Variants in CACNG4 observed in about 807,000 individuals in gnomAD.
CACNG4 encodes voltage-dependent calcium channel gamma-4 subunit.
In CACNG4, 8 loss-of-function variants were observed where a neutral mutation model predicts 22.9. The observed-to-expected ratio is 0.35, with a 90% CI of 0.21 to 0.63. CACNG4 has a LOEUF of 0.63. Among genes scored for constraint, CACNG4 ranks in the 30% least tolerant of loss-of-function variants. CACNG4 has a pLI of 0.72. For synonymous variants in CACNG4, 188 were observed against 191.9 expected (o/e 0.98, Z 0.17); for missense variants, 357 against 455.4 (o/e 0.78, Z 1.97).
chr17:67,002,162 T>C (rs975961641), intron 1 of CACNG4, among the ~76,000 whole-genome samples: 4 of 152,204 alleles, frequency 2.6e-5, no homozygotes, highest in South Asian at 2.1e-4. Context: ...CTCATGATCA[T>C]AGCAGAAGGC....
intron 1 of CACNG4, among the ~76,000 whole-genome samples, chr17:66,982,704 G>A (rs2035284414): frequency 6.6e-6 from 1 of 152,114 alleles, no homozygotes; most frequent in Non-Finnish European, 1.5e-5. Flanking sequence ...CTGCAGACGT[G>A]CACCACCATG....
At chr17:67,023,480 C>T (rs2035544347) in intron 2 of CACNG4, among the ~76,000 whole-genome samples, 1 of 151,832 alleles carries the variant, frequency 6.6e-6, no homozygotes, top group South Asian at 2.1e-4. Context: ...TTTCACCATG[C>T]TAGCCAGAAT....
chr17:66,967,745 A>T (rs2035178853), intron 1 of CACNG4, among the ~76,000 whole-genome samples: 1 of 152,092 alleles, frequency 6.6e-6, no homozygotes, highest in Admixed American at 6.5e-5. Context: ...AGCTAATAAG[A>T]CTCCGAGGAT....
chr17:66,998,762 G>A (rs2035389980), intron 1 of CACNG4, among the ~76,000 whole-genome samples: 1 of 152,178 alleles, frequency 6.6e-6, no homozygotes, highest in African/African-American at 2.4e-5. Context: ...GTTTCATTTG[G>A]GAACAATCTG....
At chr17:66,971,544 G>A (rs779306067) in intron 1 of CACNG4, among the ~76,000 whole-genome samples, 1 of 152,210 alleles carries the variant, frequency 6.6e-6, no homozygotes, top group Non-Finnish European at 1.5e-5. Flanking sequence ...GTATGAGGCA[G>A]TTGGCACTTC....
In CACNG4 at chr17:66,989,297, C is replaced by G. The variant is rs562863855; in HGVS notation, c.220+24166C>G. Among the ~76,000 whole-genome samples, 3 of 151,066 alleles carry G rather than the reference C, an allele frequency of 2.0e-5. No homozygotes were observed. The South Asian group carries it at 6.2e-4, about 31-fold the overall frequency. On this transcript the variant is annotated intron_variant, in intron 1 of 3. Transcript: ENST00000262138. Reference sequence around the variant, plus strand: ...TGAGGTCATACTCCATTAGAATAGGCCTTCGTTTAATAGACTGGGTTCTTA... The same window carrying G: ...TGAGGTCATACTCCATTAGAATAGGGCTTCGTTTAATAGACTGGGTTCTTA...
At chr17:67,005,829 G>A (rs2035434344) in intron 1 of CACNG4, among the ~76,000 whole-genome samples, 1 of 152,190 alleles carries the variant, frequency 6.6e-6, no homozygotes, top group Non-Finnish European at 1.5e-5. Context: ...CTGCCCCACT[G>A]CCTGGTTCTA....
chr17:67,019,610 G>T (rs2143358127), intron 2 of CACNG4, among the ~76,000 whole-genome samples: 1 of 152,350 alleles, frequency 6.6e-6, no homozygotes, highest in East Asian at 1.9e-4. Context: ...CCCCAACTCA[G>T]AATCTGCCTT....
At chr17:66,990,902 G>A (rs572426380) in intron 1 of CACNG4, among the ~76,000 whole-genome samples, 5 of 151,860 alleles carry the variant, frequency 3.3e-5, no homozygotes, top group Non-Finnish European at 4.4e-5. Context: ...GGATGGTCTC[G>A]ATCTCCTGAC....
At chr17:67,010,014 A>C (rs2035459926) in intron 1 of CACNG4, among the ~76,000 whole-genome samples, 1 of 149,498 alleles carries the variant, frequency 6.7e-6, no homozygotes, top group African/African-American at 2.5e-5. Context: ...CTCCCCCATC[A>C]CTGCTACCCA....
At chr17:66,981,740 G>A (rs1043952331) in intron 1 of CACNG4, among the ~76,000 whole-genome samples, 2 of 152,090 alleles carry the variant, frequency 1.3e-5, no homozygotes, top group African/African-American at 4.8e-5. Flanking sequence ...CCAGAATTAT[G>A]AATAGTTTAA....
chr17:67,015,482 T>C (rs2035491678), intron 1 of CACNG4, among the ~76,000 whole-genome samples: 1 of 152,218 alleles, frequency 6.6e-6, no homozygotes, highest in Non-Finnish European at 1.5e-5. Context: ...CTGGTTGTGA[T>C]ATTGCACTAC....
chr17:66,977,040 C>T (rs1396992012), intron 1 of CACNG4, among the ~76,000 whole-genome samples: 3 of 152,190 alleles, frequency 2.0e-5, no homozygotes, highest in South Asian at 2.1e-4. Context: ...CCTCCCCAGG[C>T]CTATGGGCTC....
intron 1 of CACNG4, among the ~76,000 whole-genome samples, chr17:67,015,771 T>C (rs1001350839): frequency 2.6e-5 from 4 of 152,162 alleles, no homozygotes; most frequent in African/African-American, 7.2e-5. Context: ...GGTCCCACCA[T>C]GCATGTGTGA....
intron 1 of CACNG4, among the ~76,000 whole-genome samples, chr17:66,996,227 G>C (rs1180999569): frequency 6.7e-6 from 1 of 149,816 alleles, no homozygotes; most frequent in Non-Finnish European, 1.5e-5. Flanking sequence ...ACTCGCTAGT[G>C]GTAAAGAGGG....
intron 1 of CACNG4, among the ~76,000 whole-genome samples, chr17:66,999,858 C>T (rs1598113486): frequency 1.3e-5 from 2 of 152,220 alleles, no homozygotes; most frequent in African/African-American, 2.4e-5. Flanking sequence ...AGATGAGGCT[C>T]CTTGTCCGGG....
In CACNG4 at chr17:67,033,370, T is replaced by C. The variant is rs2035621935; in HGVS notation, c.*2366T>C. 6.6e-6 allele frequency: 1 copy of C among 152,328 alleles called. No individual in the cohort carries two copies. The highest frequency in any genetic ancestry group is 6.5e-5 in the Admixed American group (1 of 15,302). The allele number at this position is 152,328 out of a possible 1,614,324, so 9.4% of individuals were successfully genotyped here. On this transcript the variant is annotated 3_prime_UTR_variant, in exon 4 of 4. Coordinates refer to ENST00000262138, the MANE Select transcript of CACNG4 (RefSeq NM_014405.4). ...GTTTTGGGTTGGTTGTTCTGTCTTT[T>C]TTTTAATTAAATAAAAACATTTTTA... is the stretch of plus-strand genomic sequence containing the variant.
chr17:67,008,039 C>T (rs1026841080), intron 1 of CACNG4, among the ~76,000 whole-genome samples: 4 of 152,146 alleles, frequency 2.6e-5, no homozygotes, highest in South Asian at 4.1e-4. Context: ...ACAGTGTAGC[C>T]GTGTGCACCG....
chr17:67,008,453 A>G (rs2035449907), intron 1 of CACNG4, among the ~76,000 whole-genome samples: 1 of 152,110 alleles, frequency 6.6e-6, no homozygotes, highest in Non-Finnish European at 1.5e-5. Context: ...TGCGGGGAGC[A>G]GGGGGCAGGG....
Sources: gnomAD v4.1 joint callset for allele counts (sites outside exome capture counted in the v4.1 genomes callset) on GRCh38, gnomAD v4.1.1 for gene constraint, MANE v1.5 for transcripts, NCBI Gene and HGNC (gene_info 2026-07-23, HGNC 2026-07-21) for gene names.